The following DLG2 variants were observed in gnomAD, a reference collection of about 807,000 sequenced individuals.
The protein encoded by DLG2 is disks large homolog 2.
In DLG2, 45 loss-of-function variants were observed where a neutral mutation model predicts 132.5. That is an observed-to-expected ratio of 0.34 (90% CI 0.27 to 0.44). The LOEUF is 0.44. DLG2 is among the 20% of genes least tolerant of loss of function. The pLI, the probability that DLG2 is intolerant of heterozygous loss-of-function variation, is 1.00. For synonymous variants in DLG2, 424 were observed against 419.6 expected, an observed-to-expected ratio of 1.01 and a Z score of -0.13; for missense variants, 1,045 against 1,196.9, an observed-to-expected ratio of 0.87 and a Z score of 1.87.
At chr11:85,480,059 A>T (rs2153087945) in intron 3 of DLG2, among the ~76,000 whole-genome samples, 1 of 152,330 alleles carries the variant, frequency 6.6e-6, no homozygotes, top group Admixed American at 6.5e-5. Flanking sequence ...GAGGGGACAC[A>T]ATACAGCCCA....
intron 7 of DLG2, among the ~76,000 whole-genome samples, chr11:84,278,337 T>C (rs1598930673): frequency 6.6e-6 from 1 of 152,240 alleles, no homozygotes; most frequent in South Asian, 2.1e-4. Context: ...GTAATTAAAA[T>C]CATCCCACTA....
intron 7 of DLG2, chr11:84,273,104 G>A: frequency 7.0e-7 from 1 of 1,418,940 alleles, no homozygotes; most frequent in Non-Finnish European, 9.3e-7. Context: ...GAAAAAGGAA[G>A]AATAAATAAA....
chr11:84,967,153 G>A (rs1205746199), intron 6 of DLG2, among the ~76,000 whole-genome samples: 1 of 152,040 alleles, frequency 6.6e-6, no homozygotes, highest in Admixed American at 6.6e-5. Flanking sequence ...TTTTTAAGAA[G>A]GCAAGCCATA....
intron 6 of DLG2, among the ~76,000 whole-genome samples, chr11:85,050,194 CATG>C (rs1447733735): frequency 1.3e-5 from 2 of 151,022 alleles, no homozygotes; most frequent in Non-Finnish European, 3.0e-5. Context: ...TAAAAAGGTT[CATG>C]AAGTCTTTAG....
intron 19 of DLG2, among the ~76,000 whole-genome samples, chr11:83,559,357 CTTG>C (rs1211591653): frequency 2.0e-5 from 3 of 152,142 alleles, no homozygotes; most frequent in Non-Finnish European, 4.4e-5. Context: ...CTCGCATAAT[CTTG>C]TTGTTCCTGT....
chr11:84,827,361 TA>T (rs562668234), intron 6 of DLG2, among the ~76,000 whole-genome samples: 37 of 145,222 alleles, frequency 2.5e-4, no homozygotes, highest in East Asian at 1.0e-3. Flanking sequence ...CTAGAAAAAC[TA>T]AAAAAAAAAA....
chr11:84,903,772 C>A (rs1326141657), intron 6 of DLG2, among the ~76,000 whole-genome samples: 6 of 151,926 alleles, frequency 3.9e-5, no homozygotes, highest in African/African-American at 1.2e-4. Context: ...GTAAAAGGAG[C>A]CACAATACAT....
At chr11:83,985,313 T>A (rs2093175914) in intron 11 of DLG2, among the ~76,000 whole-genome samples, 1 of 152,052 alleles carries the variant, frequency 6.6e-6, no homozygotes, top group African/African-American at 2.4e-5. Context: ...CAAAACACAC[T>A]TGCATCCTTG....
intron 6 of DLG2, among the ~76,000 whole-genome samples, chr11:84,752,575 T>G: frequency 6.6e-6 from 1 of 150,710 alleles, no homozygotes; most frequent in African/African-American, 2.4e-5. Flanking sequence ...TTTTTTTTTT[T>G]TTTTTATTAT....
intron 20 of DLG2, among the ~76,000 whole-genome samples, chr11:83,537,099 C>A (rs1268173645): frequency 6.6e-6 from 1 of 152,156 alleles, no homozygotes; most frequent in Non-Finnish European, 1.5e-5. Flanking sequence ...CAGAAATAAT[C>A]CTCCCTGTCC....
chr11:84,554,628 C>G (rs2099408337), intron 6 of DLG2, among the ~76,000 whole-genome samples: 1 of 152,076 alleles, frequency 6.6e-6, no homozygotes, highest in Non-Finnish European at 1.5e-5. Context: ...TGCCTGTAAT[C>G]TCAGCCACTC....
intron 18 of DLG2, among the ~76,000 whole-genome samples, chr11:83,708,532 C>A (rs373263907): frequency 2.0e-4 from 30 of 152,170 alleles, no homozygotes; most frequent in Admixed American, 1.9e-3. Context: ...ATTCTCAAGA[C>A]AATATGATAA....
intron 6 of DLG2, among the ~76,000 whole-genome samples, chr11:84,969,647 G>A (rs554155736): frequency 6.6e-6 from 1 of 152,082 alleles, no homozygotes. Flanking sequence ...GTCTCTAGAG[G>A]AATATATCTT....
intron 7 of DLG2, among the ~76,000 whole-genome samples, chr11:84,374,645 C>T (rs2098721878): frequency 6.6e-6 from 1 of 152,108 alleles, no homozygotes; most frequent in Non-Finnish European, 1.5e-5. Flanking sequence ...TTCTTACTAC[C>T]ACTAGCTTGA....
chr11:83,886,328 A>G (rs2067888719), intron 15 of DLG2, among the ~76,000 whole-genome samples: 1 of 152,226 alleles, frequency 6.6e-6, no homozygotes, highest in Non-Finnish European at 1.5e-5. Context: ...CTTTAAACCA[A>G]CAAAGATCAA....
chr11:85,021,742 C>G (rs901593603), intron 6 of DLG2: 25 of 652,848 alleles, frequency 3.8e-5, no homozygotes, highest in Non-Finnish European at 5.9e-5. Context: ...AGAAGAGATT[C>G]GATTCTGAGT....
intron 9 of DLG2, among the ~76,000 whole-genome samples, chr11:84,146,312 T>A (rs2095079594): frequency 6.6e-6 from 1 of 152,216 alleles, no homozygotes; most frequent in Non-Finnish European, 1.5e-5. Context: ...AAATAATAAT[T>A]TAATTGTACA....
At chr11:85,555,116 C>T (rs2076867745) in intron 3 of DLG2, among the ~76,000 whole-genome samples, 1 of 151,846 alleles carries the variant, frequency 6.6e-6, no homozygotes, top group Non-Finnish European at 1.5e-5. Flanking sequence ...ATAACACTGT[C>T]TCAAGTGCAT....
At chr11:84,866,556 G>A (rs537912381) in intron 6 of DLG2, among the ~76,000 whole-genome samples, 1 of 151,162 alleles carries the variant, frequency 6.6e-6, no homozygotes, top group South Asian at 2.1e-4. Context: ...CTACTTACTG[G>A]CTATTTGAGC....
Sources: allele counts gnomAD v4.1 joint callset (sites outside exome capture counted in the v4.1 genomes callset), GRCh38; gene constraint gnomAD v4.1.1; transcripts MANE v1.5; gene names NCBI Gene and HGNC (gene_info 2026-07-23, HGNC 2026-07-21).